Variants in AOAH observed in about 807,000 individuals in gnomAD.
AOAH encodes the protein acyloxyacyl hydrolase (neutrophil).
A neutral mutation model predicts 92.2 loss-of-function variants in AOAH; 64 were observed. The observed-to-expected ratio is 0.69, with a 90% CI of 0.57 to 0.86. The LOEUF is 0.86. Ranked by LOEUF, AOAH falls within the 40% of genes least tolerant of loss-of-function variation. AOAH has a pLI of 0.00. For missense variants in AOAH, 656 were observed against 694.6 expected, an observed-to-expected ratio of 0.94 and a Z score of 0.62; for synonymous variants, 263 against 254.5, an observed-to-expected ratio of 1.03 and a Z score of -0.32.
intron 2 of AOAH, among the ~76,000 whole-genome samples, chr7:36,675,693 C>T (rs983384708): frequency 6.6e-6 from 1 of 152,048 alleles, no homozygotes; most frequent in African/African-American, 2.4e-5. Context: ...AACCTTCCTC[C>T]GAAAGAATGT....
chr7:36,697,697 C>A (rs1797802946), intron 1 of AOAH, among the ~76,000 whole-genome samples: 1 of 152,076 alleles, frequency 6.6e-6, no homozygotes, highest in Admixed American at 6.6e-5. Flanking sequence ...AAATTCATGC[C>A]CTTCCTGGGA....
chr7:36,594,162 A>G (rs554256331), intron 12 of AOAH, among the ~76,000 whole-genome samples, 177 bp downstream of exon 12: 1 of 152,326 alleles, frequency 6.6e-6, no homozygotes, highest in Admixed American at 6.5e-5. Flanking sequence ...TTTTCTTGCC[A>G]GTGCTGCTAA....
intron 1 of AOAH, among the ~76,000 whole-genome samples, chr7:36,691,355 C>T (rs111710156): frequency 4.6e-5 from 7 of 152,270 alleles, no homozygotes; most frequent in Admixed American, 2.0e-4. Flanking sequence ...AAAATAATCA[C>T]CTAAAATGTA....
At chr7:36,684,662 T>C (rs1436850234) in intron 2 of AOAH, among the ~76,000 whole-genome samples, 2 of 151,908 alleles carry the variant, frequency 1.3e-5, no homozygotes, top group Non-Finnish European at 2.9e-5. Flanking sequence ...AACACACCTG[T>C]CATCTCAGCG....
intron 13 of AOAH, among the ~76,000 whole-genome samples, chr7:36,552,587 C>T (rs1024126286): frequency 6.6e-6 from 1 of 152,184 alleles, no homozygotes; most frequent in African/African-American, 2.4e-5. Context: ...ACACTGTCCT[C>T]CACAATGGTT....
chr7:36,540,542 C>T (rs1426715071), intron 15 of AOAH, 51 bp from the exon 16 acceptor site: 1 of 1,513,802 alleles, frequency 6.6e-7, no homozygotes, highest in East Asian at 2.3e-5. Flanking sequence ...AGGATAGATG[C>T]ATGCAAGTTG....
intron 15 of AOAH, among the ~76,000 whole-genome samples, chr7:36,543,186 C>A (rs1466844036): frequency 6.6e-6 from 1 of 152,180 alleles, no homozygotes; most frequent in Non-Finnish European, 1.5e-5. Context: ...AAATAAAAAT[C>A]TTCCTACCTG....
At chr7:36,718,801 G>A (rs1304077725) in intron 1 of AOAH, among the ~76,000 whole-genome samples, 1 of 152,152 alleles carries the variant, frequency 6.6e-6, no homozygotes, top group Admixed American at 6.6e-5. Context: ...GAAATGGGGA[G>A]TAAATGCTAA....
At chr7:36,581,056 C>T (rs944230109) in intron 12 of AOAH, among the ~76,000 whole-genome samples, 3 of 152,130 alleles carry the variant, frequency 2.0e-5, no homozygotes, top group Non-Finnish European at 4.4e-5. Flanking sequence ...ATGGGAGGGG[C>T]AGTTGACCAC....
chr7:36,708,500 T>C (rs1240261251), intron 1 of AOAH, among the ~76,000 whole-genome samples: 1 of 152,202 alleles, frequency 6.6e-6, no homozygotes, highest in Non-Finnish European at 1.5e-5. Flanking sequence ...TTTAATTCTG[T>C]GGATATCCCC....
At chr7:36,585,025 G>T (rs747739374) in intron 12 of AOAH, among the ~76,000 whole-genome samples, 9 of 152,134 alleles carry the variant, frequency 5.9e-5, no homozygotes, top group African/African-American at 9.7e-5. Flanking sequence ...GGTGGAGCAT[G>T]AGACAAGTAG....
chr7:36,582,387 T>C (rs936953789), intron 12 of AOAH, among the ~76,000 whole-genome samples: 6 of 152,212 alleles, frequency 3.9e-5, no homozygotes, highest in African/African-American at 1.4e-4. Context: ...TCACGTTAAC[T>C]TTCCAGTTTC....
At chr7:36,612,171 T>G (rs1791505477) in intron 11 of AOAH, among the ~76,000 whole-genome samples, 1 of 121,338 alleles carries the variant, frequency 8.2e-6, no homozygotes. Context: ...TGAAGAAAAG[T>G]GAGAAAAAAA....
At chr7:36,542,530 T>C (rs1562551380) in intron 15 of AOAH, among the ~76,000 whole-genome samples, 1 of 152,190 alleles carries the variant, frequency 6.6e-6, no homozygotes, top group Non-Finnish European at 1.5e-5. Flanking sequence ...AATTCTCATT[T>C]TTAAGGGAGC....
At chr7:36,639,800 A>T (rs1160634999) in intron 4 of AOAH, among the ~76,000 whole-genome samples, 1 of 152,226 alleles carries the variant, frequency 6.6e-6, no homozygotes, top group African/African-American at 2.4e-5. Context: ...ACGGTGAATG[A>T]CATAGACATC....
chr7:36,717,326 C>T (rs950870550), intron 1 of AOAH, among the ~76,000 whole-genome samples: 12 of 152,110 alleles, frequency 7.9e-5, no homozygotes, highest in Admixed American at 6.6e-4. Context: ...GAGAGCTATC[C>T]CCTCACGCCA....
intron 4 of AOAH, among the ~76,000 whole-genome samples, chr7:36,652,731 A>G (rs887777752): frequency 6.6e-6 from 1 of 152,242 alleles, no homozygotes; most frequent in African/African-American, 2.4e-5. Context: ...GAAGACATCA[A>G]ACAAATCCCA....
At chr7:36,540,051 G>A (rs1313777033) in intron 16 of AOAH, among the ~76,000 whole-genome samples, 1 of 152,138 alleles carries the variant, frequency 6.6e-6, no homozygotes, top group East Asian at 1.9e-4. Flanking sequence ...CCTTCTGTTA[G>A]AGGAATTTCC....
chr7:36,618,265 A>G (rs557895133), intron 10 of AOAH, 32 bp downstream of exon 10: 4 of 1,597,722 alleles, frequency 2.5e-6, no homozygotes, highest in East Asian at 2.2e-5. Context: ...AATATCTATC[A>G]TTATAACCAC....
Sources: gnomAD v4.1 joint callset for allele counts (sites outside exome capture counted in the v4.1 genomes callset) on GRCh38, gnomAD v4.1.1 for gene constraint, MANE v1.5 for transcripts, NCBI Gene and HGNC (gene_info 2026-07-23, HGNC 2026-07-21) for gene names.